The following CEP192 variants were observed in gnomAD, a reference collection of about 807,000 sequenced individuals.
CEP192 encodes centrosomal protein 192.
In CEP192, 151 loss-of-function variants were observed where a neutral mutation model predicts 271.8. That is an observed-to-expected ratio of 0.56 (90% CI 0.49 to 0.64). CEP192 has a LOEUF of 0.64. CEP192 is among the 30% of genes least tolerant of loss of function. CEP192 has a pLI of 0.00. For missense variants in CEP192, 2,910 were observed against 3,020.5 expected, an observed-to-expected ratio of 0.96 and a Z score of 0.86; for synonymous variants, 995 against 1,076.5, an observed-to-expected ratio of 0.92 and a Z score of 1.48.
chr18:13,077,093 T>C (rs2038331441), intron 30 of CEP192, among the ~76,000 whole-genome samples: 1 of 152,178 alleles, frequency 6.6e-6, no homozygotes. Flanking sequence ...TGAAATGCTG[T>C]TTACTTGTAC....
chr18:13,053,231 G>A, intron 18 of CEP192, 141 bp downstream of exon 18: 2 of 715,754 alleles, frequency 2.8e-6, no homozygotes, highest in Non-Finnish European at 4.5e-6. Context: ...GTATTTGTGT[G>A]CACATATTAA....
intron 21 of CEP192, 133 bp downstream of exon 21, chr18:13,059,445 T>G (rs771580251): frequency 8.0e-5 from 52 of 652,460 alleles, no homozygotes; most frequent in Admixed American, 1.7e-4. Context: ...TGAACTTTGG[T>G]TCTTAATATC....
Position 13,012,997 on chromosome 18 carries a change from A to T in CEP192, c.491A>T (p.Gln164Leu). The part of the protein sequence containing the change: ...AQDSPIDFHL[Q>L]SWMNNKEPKI... ...GACTCACCTATTGATTTTCATTTAC[A>T]GTCATGGATGAATAATAAGGAACCC... The change falls in exon 5 of 45, where the codon CAG becomes CTG. Residue 164 changes from glutamine to leucine, a missense_variant. Transcript: ENST00000506447. The T allele has an allele frequency of 6.6e-7, 1 of 1,515,780 alleles. No homozygotes were observed. 93.9% of individuals were successfully genotyped at this position (1,515,780 alleles called of 1,614,324 possible).
chr18:13,080,215 A>G (rs1488502673), intron 30 of CEP192, among the ~76,000 whole-genome samples: 3 of 152,074 alleles, frequency 2.0e-5, no homozygotes, highest in Admixed American at 2.0e-4. Flanking sequence ...TGAATCTCTA[A>G]ATTACCTTGG....
chr18:13,060,382 C>T (rs1254078749), intron 21 of CEP192, among the ~76,000 whole-genome samples: 2 of 152,092 alleles, frequency 1.3e-5, no homozygotes, highest in East Asian at 1.9e-4. Flanking sequence ...CCAGAGGACT[C>T]GAAGTTGCTC....
intron 31 of CEP192, 28 bp from the exon 32 acceptor site, chr18:13,087,503 A>G (rs1230515307): frequency 8.7e-7 from 1 of 1,147,728 alleles, no homozygotes; most frequent in Non-Finnish European, 1.3e-6. Flanking sequence ...TTTAATATTT[A>G]CTCCTGATTT....
chr18:13,089,389 A>T (rs1177131890), intron 32 of CEP192, 67 bp from the exon 33 acceptor site: 4 of 747,294 alleles, frequency 5.4e-6, no homozygotes, highest in Admixed American at 6.0e-5. Flanking sequence ...CATTAGTGAA[A>T]ATCTAATTAA....
At chr18:13,062,000 A>G (rs1023061764) in intron 21 of CEP192, among the ~76,000 whole-genome samples, 1 of 152,212 alleles carries the variant, frequency 6.6e-6, no homozygotes, top group Admixed American at 6.5e-5. Flanking sequence ...AGACATGATA[A>G]ATCACATTTA....
intron 30 of CEP192, among the ~76,000 whole-genome samples, chr18:13,081,177 C>CT (rs1261212612): frequency 1.3e-5 from 2 of 152,160 alleles, no homozygotes; most frequent in African/African-American, 4.8e-5. Context: ...GGAGGATTCT[C>CT]TTTTTTTCTA....
chr18:13,000,091 C>CTTTCTT (rs2033528544), intron 2 of CEP192, among the ~76,000 whole-genome samples: 3 of 76,750 alleles, frequency 3.9e-5, no homozygotes, highest in Non-Finnish European at 8.2e-5. Flanking sequence ...TGTCTTCTCT[C>CTTTCTT]TTTTTTTTTT....
chr18:13,124,544 C>A, intron 44 of CEP192, 88 bp from the exon 45 acceptor site: 1 of 1,322,002 alleles, frequency 7.6e-7, no homozygotes. Context: ...GCTCTTTCCT[C>A]AACACCTGAG....
intron 11 of CEP192, among the ~76,000 whole-genome samples, chr18:13,031,802 C>T (rs2035648333): frequency 6.6e-6 from 1 of 152,134 alleles, no homozygotes; most frequent in Non-Finnish European, 1.5e-5. Flanking sequence ...GAGTAGGTAG[C>T]AAAAGAATTT....
intron 19 of CEP192, among the ~76,000 whole-genome samples, chr18:13,056,903 TGCCTATG>T (rs1457727719): frequency 1.3e-5 from 2 of 152,218 alleles, no homozygotes; most frequent in East Asian, 3.8e-4. Flanking sequence ...GGTGACAGGC[TGCCTATG>T]GCTCTGTCTT....
rs996183009 is a variant in CEP192, at chr18:13,098,071, G to A, written c.6558-1405G>A. Among the ~76,000 whole-genome samples, 19 of 152,242 alleles carry A rather than the reference G, an allele frequency of 1.2e-4. No homozygotes were observed. In the East Asian group the frequency reaches 2.3e-3, roughly 19 times the overall value. On this transcript the variant is annotated intron_variant, in intron 36 of 44. Coordinates refer to ENST00000506447, the MANE Select transcript of CEP192 (RefSeq NM_032142.4). The stretch of plus-strand genomic sequence containing the variant: ...TTCTACACAGACACAGCAACCATCC[G>A]ATTTCTCAATCTTTTCCCCACCTTT...
intron 44 of CEP192, 35 bp downstream of exon 44, chr18:13,117,678 C>G (rs186681665): frequency 3.0e-5 from 46 of 1,528,474 alleles, no homozygotes; most frequent in Non-Finnish European, 3.8e-5. Context: ...TTCTCATCAG[C>G]GATGCAGGAC....
chr18:13,076,205 G>A (rs1039498849), intron 30 of CEP192, among the ~76,000 whole-genome samples: 1 of 152,162 alleles, frequency 6.6e-6, no homozygotes, highest in Non-Finnish European at 1.5e-5. Context: ...TACGGTGTTA[G>A]ATTTGTTTCA....
At chr18:13,091,353 G>A (rs1186828629) in intron 33 of CEP192, among the ~76,000 whole-genome samples, 1 of 152,122 alleles carries the variant, frequency 6.6e-6, no homozygotes, top group African/African-American at 2.4e-5. Context: ...CCAGGTCTTT[G>A]GGACACCAGA....
intron 27 of CEP192, among the ~76,000 whole-genome samples, chr18:13,070,804 A>G (rs2037971900): frequency 6.6e-6 from 1 of 152,100 alleles, no homozygotes; most frequent in South Asian, 2.1e-4. Flanking sequence ...ACTCCTCCCA[A>G]ATGTCTCATA....
intron 17 of CEP192, among the ~76,000 whole-genome samples, chr18:13,052,110 A>C (rs1056489177): frequency 2.0e-5 from 3 of 152,110 alleles, no homozygotes; most frequent in African/African-American, 7.2e-5. Flanking sequence ...TGCTCCTTGC[A>C]TCTCGGCTGG....
Sources: allele counts gnomAD v4.1 joint callset (sites outside exome capture counted in the v4.1 genomes callset), GRCh38; gene constraint gnomAD v4.1.1; transcripts MANE v1.5; gene names NCBI Gene and HGNC (gene_info 2026-07-23, HGNC 2026-07-21).